Variants in AKAP6 observed in about 807,000 individuals in gnomAD.
The protein encoded by AKAP6 is A-kinase anchor protein 6.
Under a neutral mutation model 188.5 loss-of-function variants are expected in AKAP6, and 58 were observed. That is an observed-to-expected ratio of 0.31 (90% confidence interval 0.25 to 0.38). The LOEUF (loss-of-function observed/expected upper bound fraction) is 0.38. Among genes scored for constraint, AKAP6 ranks in the 10% least tolerant of loss-of-function variants. The pLI, the probability that AKAP6 is intolerant of heterozygous loss-of-function variation, is 1.00. For synonymous variants in AKAP6, 989 were observed against 998.6 expected (o/e 0.99, Z 0.18); for missense variants, 2,710 against 2,740.0 (o/e 0.99, Z 0.24).
Position 32,406,976 on chromosome 14 carries a change from G to A in AKAP6, c.-34-26484G>A, listed in dbSNP as rs182735636. 2.2e-3 allele frequency among the ~76,000 whole-genome samples: 333 copies of A among 152,214 alleles called. 2 individuals are homozygous for A. Among genetic ancestry groups the A allele is most frequent in the African/African-American group, 6.9e-3 (286 of 41,550 alleles). ...AAACCTTGGAAGTTCTCTTTTTGCC[G>A]TAAGACTGCTTCCTAGAGCTTGTGG... On this transcript the variant is annotated intron_variant, in intron 1 of 13. Transcript: ENST00000280979.
chr14:32,534,224 T>C (rs28600181), intron 2 of AKAP6, among the ~76,000 whole-genome samples: 54 of 152,334 alleles, frequency 3.5e-4, no homozygotes, highest in African/African-American at 1.2e-3. Flanking sequence ...ACACTGATGG[T>C]AGGGCTCAGA....
At chr14:32,577,667 G>A (rs1323014376) in intron 5 of AKAP6, among the ~76,000 whole-genome samples, 30 of 151,754 alleles carry the variant, frequency 2.0e-4, no homozygotes, top group Admixed American at 2.0e-3. Context: ...TTCTACACTG[G>A]GTTATTTTAA....
At chr14:32,396,709 C>T (rs1358663935) in intron 1 of AKAP6, among the ~76,000 whole-genome samples, 1 of 151,930 alleles carries the variant, frequency 6.6e-6, no homozygotes, top group Non-Finnish European at 1.5e-5. Flanking sequence ...ACTGAGCTGC[C>T]CTTGCCATCT....
At chr14:32,338,093 T>A (rs1173047490) in intron 1 of AKAP6, among the ~76,000 whole-genome samples, 1 of 152,086 alleles carries the variant, frequency 6.6e-6, no homozygotes, top group Non-Finnish European at 1.5e-5. Context: ...ACTTAGAGAG[T>A]TTTTCCTTTT....
chr14:32,495,797 T>G (rs1055087649), intron 2 of AKAP6, among the ~76,000 whole-genome samples: 6 of 152,308 alleles, frequency 3.9e-5, no homozygotes, highest in Middle Eastern at 3.4e-3. Flanking sequence ...CCAGAACATA[T>G]GGTTTTCTTA....
intron 2 of AKAP6, among the ~76,000 whole-genome samples, chr14:32,470,375 A>C (rs1462041964): frequency 1.3e-5 from 2 of 152,170 alleles, no homozygotes; most frequent in East Asian, 1.9e-4. Flanking sequence ...CAGTCAAACC[A>C]AGAGTAAGGT....
intron 2 of AKAP6, among the ~76,000 whole-genome samples, chr14:32,475,835 G>A (rs1321092196): frequency 1.3e-5 from 2 of 151,508 alleles, no homozygotes; most frequent in South Asian, 2.1e-4. Context: ...CCGCCACCAC[G>A]CCCGGCTAAT....
chr14:32,835,305 C>A lies in AKAP6; in HGVS notation c.*5500C>A, dbSNP rs572608674. ...TTTACTTCCTAGATTTTATTGCATT[C>A]TCAACTTGTTTCATATTACCTTAAA... On this transcript the variant is annotated 3_prime_UTR_variant, in exon 14 of 14. Coordinates refer to ENST00000280979, the MANE Select transcript of AKAP6 (RefSeq NM_004274.5). 2.1e-4 allele frequency: 32 copies of A among 151,838 alleles called. No homozygotes were observed. Among genetic ancestry groups the A allele is most frequent in the African/African-American group, 7.5e-4 (31 of 41,396 alleles). 9.4% of individuals were successfully genotyped at this position (151,838 alleles called of 1,614,324 possible). A position where few individuals can be genotyped will look rare whatever the true frequency, so the allele number is the denominator to read the frequency against.
chr14:32,583,391 C>G (rs1474301450), intron 5 of AKAP6, among the ~76,000 whole-genome samples: 1 of 152,210 alleles, frequency 6.6e-6, no homozygotes, highest in African/African-American at 2.4e-5. Flanking sequence ...AGGTGTCAGT[C>G]TGCCCCTACT....
At chr14:32,709,001 GA>G (rs1238880905) in intron 9 of AKAP6, among the ~76,000 whole-genome samples, 1 of 152,006 alleles carries the variant, frequency 6.6e-6, no homozygotes, top group Non-Finnish European at 1.5e-5. Context: ...AAGTATAAAT[GA>G]GTCTCTAGGG....
chr14:32,544,092 G>A (rs1883079683), intron 3 of AKAP6, among the ~76,000 whole-genome samples: 2 of 152,156 alleles, frequency 1.3e-5, no homozygotes, highest in Admixed American at 1.3e-4. Flanking sequence ...TAAGATCCTG[G>A]AGAAGCCAGA....
chr14:32,795,345 C>T (rs2033734519), intron 12 of AKAP6, among the ~76,000 whole-genome samples: 1 of 152,176 alleles, frequency 6.6e-6, no homozygotes, highest in African/African-American at 2.4e-5. Flanking sequence ...AAGAAAACTT[C>T]AGGCTAATAT....
chr14:32,448,406 T>C (rs954395713), intron 2 of AKAP6, among the ~76,000 whole-genome samples: 1 of 152,204 alleles, frequency 6.6e-6, no homozygotes, highest in African/African-American at 2.4e-5. Flanking sequence ...CTTCTAGTAA[T>C]AATTCGAGTG....
At chr14:32,598,161 A>G (rs1190230360) in intron 5 of AKAP6, among the ~76,000 whole-genome samples, 3 of 152,222 alleles carry the variant, frequency 2.0e-5, no homozygotes, top group Non-Finnish European at 4.4e-5. Context: ...ACGCAAAATT[A>G]TATTTTACCT....
chr14:32,667,761 T>C (rs1224800201), intron 7 of AKAP6, among the ~76,000 whole-genome samples: 1 of 152,118 alleles, frequency 6.6e-6, no homozygotes, highest in East Asian at 1.9e-4. Flanking sequence ...CTTGTTTGGT[T>C]CTGTTTTGAT....
rs959371970 is a variant in AKAP6 at position 32,830,732 on chromosome 14, G to A, written c.*927G>A. ...TTTCATGTTTGTGATGTCTAGTGAT[G>A]TGGAAAATATAAGCCTTAAATCCAT... On this transcript the variant is annotated 3_prime_UTR_variant, in exon 14 of 14. Coordinates refer to ENST00000280979, the MANE Select transcript of AKAP6 (RefSeq NM_004274.5). 1 of 152,562 alleles carries A rather than the reference G, an allele frequency of 6.6e-6. No individual in the cohort carries two copies. The highest frequency in any genetic ancestry group is 2.4e-5 in the African/African-American group (1 of 41,436). The allele number at this position is 152,562 out of a possible 1,614,324, so 9.5% of individuals were successfully genotyped here. A position where few individuals can be genotyped will look rare whatever the true frequency, so the allele number is the denominator to read the frequency against.
At chr14:32,787,592 A>G (rs2033461262) in intron 12 of AKAP6, among the ~76,000 whole-genome samples, 1 of 152,212 alleles carries the variant, frequency 6.6e-6, no homozygotes, top group Non-Finnish European at 1.5e-5. Flanking sequence ...AATTATTTTT[A>G]TAAGGCTAGA....
In AKAP6 at chr14:32,433,739, G is replaced by A. The variant is rs1352635035; in HGVS notation, c.246G>A (p.Glu82=). The A allele has an allele frequency of 3.1e-6, 5 of 1,614,228 alleles. No homozygotes were observed. Among genetic ancestry groups the A allele is most frequent in the Non-Finnish European group, 4.2e-6 (5 of 1,180,038 alleles). The change falls in exon 2 of 14, where the codon GAG becomes GAA. Residue 82 remains glutamate, a synonymous_variant. Transcript: ENST00000280979. ...EIETWLRMTS[E]RVRDLTYSVQ... The stretch of plus-strand genomic sequence containing the variant: ...AGACCTGGCTCCGGATGACCTCAGA[G>A]AGGGTCCGAGACCTAACCTATTCAG...
chr14:32,796,305 A>C (rs1459535974), intron 12 of AKAP6, among the ~76,000 whole-genome samples: 1 of 152,236 alleles, frequency 6.6e-6, no homozygotes, highest in South Asian at 2.1e-4. Flanking sequence ...ACCAAAAAAG[A>C]GGCTGAATAA....
Sources: gnomAD v4.1 joint callset for allele counts (sites outside exome capture counted in the v4.1 genomes callset) on GRCh38, gnomAD v4.1.1 for gene constraint, MANE v1.5 for transcripts, NCBI Gene and HGNC (gene_info 2026-07-23, HGNC 2026-07-21) for gene names.